TMC5: variants seen among roughly 807,000 people sequenced by gnomAD.
TMC5 encodes the protein transmembrane channel like 5.
Under a neutral mutation model 110.5 loss-of-function variants are expected in TMC5, and 86 were observed. That is an observed-to-expected ratio of 0.78 (90% CI 0.65 to 0.93). TMC5 has a LOEUF of 0.93. Ranked by LOEUF, TMC5 falls within the 40% of genes least tolerant of loss-of-function variation. TMC5 has a pLI of 0.00. For synonymous variants in TMC5, 455 were observed against 439.5 expected (o/e 1.04, Z -0.44); for missense variants, 1,144 against 1,222.8 (o/e 0.94, Z 0.96).
chr16:19,446,640 TACTA>T (rs1321900893), intron 4 of TMC5, among the ~76,000 whole-genome samples: 4 of 152,226 alleles, frequency 2.6e-5, no homozygotes, highest in Non-Finnish European at 5.9e-5. Context: ...GTCACTCACT[TACTA>T]AATTGACAGA....
At position 19,479,427 on chromosome 16, in the gene TMC5, C is replaced by T. The variant is rs1405575909; in HGVS notation, c.2170-4C>T. The T allele has an allele frequency of 6.2e-7, 1 of 1,612,332 alleles. No individual in the cohort carries two copies. The highest frequency in any genetic ancestry group is 1.1e-5 in the South Asian group (1 of 91,056). On this transcript the variant is annotated splice_region_variant and splice_polypyrimidine_tract_variant and intron_variant, in intron 13 of 21. Coordinates refer to ENST00000542583, the MANE Select transcript of TMC5 (RefSeq NM_001261841.2). Reference sequence around the variant, plus strand: ...CCACATCCTGACTCTTGTTTGCCTTCCAGTGTTGGGAAACCCTCATTGGCC... The same window carrying T: ...CCACATCCTGACTCTTGTTTGCCTTTCAGTGTTGGGAAACCCTCATTGGCC...
At chr16:19,474,301 C>T (rs1160016582) in intron 12 of TMC5, 25 bp downstream of exon 12, 2 of 1,606,840 alleles carry the variant, frequency 1.2e-6, no homozygotes, top group Admixed American at 3.4e-5. Flanking sequence ...GCGCCCAACA[C>T]CAGCCTCTAT....
At chr16:19,417,703 G>A (rs1203172680), upstream of TMC5, 1 of 152,214 alleles carries the variant, frequency 6.6e-6, no homozygotes, top group African/African-American at 2.4e-5. Flanking sequence ...CACAACTTGG[G>A]ACCTGAGTTA....
At chr16:19,412,516 C>A (rs1267428598) in intron 1 of TMC5, among the ~76,000 whole-genome samples, 1 of 152,194 alleles carries the variant, frequency 6.6e-6, no homozygotes, top group Non-Finnish European at 1.5e-5. Flanking sequence ...CAGGTGCCCA[C>A]CACCAGGCCT....
intron 5 of TMC5, among the ~76,000 whole-genome samples, chr16:19,453,233 C>T (rs932969132): frequency 3.3e-5 from 5 of 152,106 alleles, no homozygotes; most frequent in African/African-American, 1.2e-4. Flanking sequence ...GCAGGTAGAT[C>T]ACTTGAGTTC....
Position 19,440,031 on chromosome 16 carries a change from A to C in TMC5, c.-8A>C. 6.2e-7 allele frequency: 1 copy of C among 1,609,634 alleles called. No individual in the cohort carries two copies. Among genetic ancestry groups the C allele is most frequent in the Non-Finnish European group, 8.5e-7 (1 of 1,177,478 alleles). On this transcript the variant is annotated 5_prime_UTR_variant, in exon 3 of 22. Coordinates refer to ENST00000542583, the MANE Select transcript of TMC5 (RefSeq NM_001261841.2). ...TTTACCACTCCAGGGTGAAGAGTCC[A>C]TACCAACATGTCTGCCTACTACAGG...
intron 5 of TMC5, among the ~76,000 whole-genome samples, chr16:19,459,917 CAAAA>C (rs34853313): frequency 4.2e-5 from 4 of 95,698 alleles, no homozygotes; most frequent in Non-Finnish European, 5.8e-5. Flanking sequence ...GATCCTGTCT[CAAAA>C]AAAAAAAAAA....
chr16:19,434,154 G>A (rs57288192), intron 2 of TMC5, among the ~76,000 whole-genome samples: 1 of 46,600 alleles, frequency 2.1e-5, no homozygotes, highest in East Asian at 9.5e-4. Context: ...ATAATATATA[G>A]ATCTATATAT....
Position 19,440,842 on chromosome 16 carries a change from T to C in TMC5, c.788+16T>C. On this transcript the variant is annotated intron_variant, in intron 3 of 21. Transcript: ENST00000542583. Reference sequence around the variant, plus strand: ...TGACCAGGGGGTAAGTTCAGATATATATCCCTTCACTGGGAGTGGATGCTG... The same window carrying C: ...TGACCAGGGGGTAAGTTCAGATATACATCCCTTCACTGGGAGTGGATGCTG... 6.2e-7 allele frequency: 1 copy of C among 1,601,576 alleles called. No individual in the cohort carries two copies. The highest frequency in any genetic ancestry group is 8.5e-7 in the Non-Finnish European group (1 of 1,173,508).
chr16:19,417,346 G>C (rs1183565474), upstream of TMC5, among the ~76,000 whole-genome samples: 1 of 150,762 alleles, frequency 6.6e-6, no homozygotes, highest in Non-Finnish European at 1.5e-5. Context: ...TTGAGTCCAG[G>C]AGGCGGAGGT....
At chr16:19,437,571 C>A (rs1967375750) in intron 2 of TMC5, among the ~76,000 whole-genome samples, 1 of 152,196 alleles carries the variant, frequency 6.6e-6, no homozygotes. Flanking sequence ...TCAAGTCTAA[C>A]CCTTGTCATT....
chr16:19,469,836 C>T lies in TMC5; in HGVS notation c.1782+11C>T. 2 of 1,613,530 alleles carry T rather than the reference C, an allele frequency of 1.2e-6. No homozygotes were observed. The highest frequency in any genetic ancestry group is 1.7e-6 in the Non-Finnish European group (2 of 1,179,662). ...AGCACTGAGATAAGGGTAAGGCGAG[C>T]TCACTTTACTCATTTGCCATCGGCT... On this transcript the variant is annotated intron_variant, in intron 10 of 21. Transcript: ENST00000542583.
intron 2 of TMC5, among the ~76,000 whole-genome samples, chr16:19,435,108 C>A (rs1391999026): frequency 1.3e-5 from 2 of 152,012 alleles, no homozygotes; most frequent in Non-Finnish European, 2.9e-5. Flanking sequence ...GAGCCAAAAC[C>A]CTACCGCTTT....
intron 1 of TMC5, among the ~76,000 whole-genome samples, chr16:19,421,722 A>T (rs1325385302): frequency 6.6e-6 from 1 of 152,224 alleles, no homozygotes; most frequent in East Asian, 1.9e-4. Context: ...GCTTGATGTC[A>T]TACTTACCCA....
At chr16:19,428,147 A>G (rs1165244135) in intron 1 of TMC5, among the ~76,000 whole-genome samples, 3 of 152,356 alleles carry the variant, frequency 2.0e-5, no homozygotes, top group Non-Finnish European at 2.9e-5. Flanking sequence ...AATCTTAGCT[A>G]GCGGAAAGAG....
At position 19,440,609 on chromosome 16, in the gene TMC5, A is replaced by T; in HGVS notation, c.571A>T (p.Thr191Ser). The change falls in exon 3 of 22, where the codon ACA becomes TCA. Residue 191 changes from threonine (T) to serine (S), a missense_variant. Coordinates refer to ENST00000542583, the MANE Select transcript of TMC5 (RefSeq NM_001261841.2). ...AGGATCCAGAAAGAATCTGGAACAT[A>T]CAAGTTTTAGAATCAATCCATACGC... is the stretch of plus-strand genomic sequence containing the variant. ...HPGSRKNLEHTSFRINPYADS... is the reference protein window; with the variant it reads ...HPGSRKNLEHSSFRINPYADS... 1.2e-6 allele frequency: 2 copies of T among 1,614,202 alleles called. No homozygotes were observed. The highest frequency in any genetic ancestry group is 2.2e-5 in the South Asian group (2 of 91,086).
intron 8 of TMC5, 102 bp from the exon 9 acceptor site, chr16:19,465,980 C>A: frequency 1.6e-6 from 2 of 1,289,522 alleles, no homozygotes; most frequent in Admixed American, 4.8e-5. Flanking sequence ...AACTGACTGG[C>A]CCAGGCTTCT....
chr16:19,414,762 T>G, upstream of TMC5, among the ~76,000 whole-genome samples: 1 of 145,712 alleles, frequency 6.9e-6, no homozygotes, highest in African/African-American at 2.6e-5. Flanking sequence ...AAAAGAGAAA[T>G]TAGGTGGGCA....
chr16:19,497,088 C>T (rs376998490), intron 20 of TMC5, 33 bp from the exon 21 acceptor site: 57 of 1,612,910 alleles, frequency 3.5e-5, no homozygotes, highest in Admixed American at 5.0e-5. Flanking sequence ...ATTCTTCCTC[C>T]GTGACGTGGC....
Sources: gnomAD v4.1 joint callset for allele counts (sites outside exome capture counted in the v4.1 genomes callset) on GRCh38, gnomAD v4.1.1 for gene constraint, MANE v1.5 for transcripts, NCBI Gene and HGNC (gene_info 2026-07-23, HGNC 2026-07-21) for gene names.